RAI14: variants seen among roughly 807,000 people sequenced by gnomAD.
RAI14 encodes the protein retinoic acid induced 14, also known as ankycorbin.
Under a neutral mutation model 115.4 loss-of-function variants are expected in RAI14, and 45 were observed. That is an observed-to-expected ratio of 0.39 (90% CI 0.31 to 0.50). The LOEUF (loss-of-function observed/expected upper bound fraction) is 0.50. Ranked by LOEUF, RAI14 falls within the 20% of genes least tolerant of loss-of-function variation. The probability of loss-of-function intolerance (pLI) is 0.85; values close to 1 mark genes in which losing one functional copy is unlikely to be tolerated. For synonymous variants in RAI14, 371 were observed against 415.4 expected (o/e 0.89, Z 1.30); for missense variants, 939 against 1,131.2 (o/e 0.83, Z 2.44).
At chr5:34,738,540 CTGTTGG>C (rs1282550436) in intron 2 of RAI14, among the ~76,000 whole-genome samples, 1 of 152,150 alleles carries the variant, frequency 6.6e-6, no homozygotes, top group Non-Finnish European at 1.5e-5. Context: ...GCTTGGTGTG[CTGTTGG>C]TGTGGTGCCT....
intron 3 of RAI14, among the ~76,000 whole-genome samples, chr5:34,771,597 G>A (rs6875322): frequency 0.062 from 9,475 of 152,192 alleles, 902 homozygotes; most frequent in African/African-American, 0.21. Context: ...AATAGCAACA[G>A]TTCAAGCCTC....
chr5:34,729,939 T>A (rs1338608000), intron 2 of RAI14, among the ~76,000 whole-genome samples: 1 of 152,218 alleles, frequency 6.6e-6, no homozygotes, highest in Non-Finnish European at 1.5e-5. Context: ...GATGTGTTAT[T>A]GTGTTCATTT....
At chr5:34,772,681 A>G (rs162909) in intron 3 of RAI14, among the ~76,000 whole-genome samples, 66,783 of 151,916 alleles carry the variant, frequency 0.44, 15,167 homozygotes, top group Middle Eastern at 0.52. Flanking sequence ...GGCCTCCTGA[A>G]TCACCCTCCA....
At chr5:34,799,037 T>G (rs1753876806) in intron 4 of RAI14, among the ~76,000 whole-genome samples, 1 of 152,192 alleles carries the variant, frequency 6.6e-6, no homozygotes, top group Non-Finnish European at 1.5e-5. Flanking sequence ...CTTGAAAGCA[T>G]GCAAAGAGAA....
At chr5:34,736,758 T>C (rs1292910901) in intron 2 of RAI14, among the ~76,000 whole-genome samples, 2 of 152,188 alleles carry the variant, frequency 1.3e-5, no homozygotes, top group Non-Finnish European at 2.9e-5. Context: ...CAGAGTTCTT[T>C]AGGGTTACAT....
At chr5:34,808,757 C>A in intron 7 of RAI14, 103 bp downstream of exon 7, 1 of 1,119,966 alleles carries the variant, frequency 8.9e-7, no homozygotes, top group Non-Finnish European at 1.3e-6. Flanking sequence ...AGTCTCCAAC[C>A]TTTTTGGCAT....
At chr5:34,760,247 C>T (rs1046872721) in intron 3 of RAI14, among the ~76,000 whole-genome samples, 2 of 152,128 alleles carry the variant, frequency 1.3e-5, no homozygotes, top group Non-Finnish European at 2.9e-5. Flanking sequence ...CGGGGTTTCA[C>T]CATGTTGGCC....
At chr5:34,768,833 A>G (rs1240591297) in intron 3 of RAI14, among the ~76,000 whole-genome samples, 8 of 152,148 alleles carry the variant, frequency 5.3e-5, no homozygotes, top group Non-Finnish European at 1.5e-5. Context: ...TACTAAAAAT[A>G]CAAAAATTAG....
chr5:34,681,126 G>A (rs1744351119), intron 1 of RAI14, among the ~76,000 whole-genome samples: 1 of 152,218 alleles, frequency 6.6e-6, no homozygotes, highest in Admixed American at 6.5e-5. Flanking sequence ...GTACTGTGTT[G>A]TTAAGGTACC....
chr5:34,740,862 A>G (rs1047639523), intron 2 of RAI14, among the ~76,000 whole-genome samples: 1 of 152,260 alleles, frequency 6.6e-6, no homozygotes, highest in Non-Finnish European at 1.5e-5. Flanking sequence ...TAGGAAGGCT[A>G]TAACAAATAT....
At position 34,656,370 on chromosome 5, in the gene RAI14, GA is replaced by G. The variant is rs1306831262; in HGVS notation, c.-152del. 5 of 152,016 alleles carry G rather than the reference GA, an allele frequency of 3.3e-5. No individual in the cohort carries two copies. The highest frequency in any genetic ancestry group is 1.2e-4 in the African/African-American group (5 of 41,422). The allele number at this position is 152,016 out of a possible 1,614,324, so 9.4% of individuals were successfully genotyped here. A position where few individuals can be genotyped will look rare whatever the true frequency, so the allele number is the denominator to read the frequency against. On this transcript the variant is annotated 5_prime_UTR_variant, in exon 1 of 18. Coordinates refer to ENST00000265109, the MANE Select transcript of RAI14 (RefSeq NM_015577.3). ...GGGAGGAGGAGGGACTGCGGCGCAG[GA>G]AGCCGAGCAGGAAGCGAGCCCGGCG... is the stretch of plus-strand genomic sequence containing the variant.
intron 2 of RAI14, among the ~76,000 whole-genome samples, chr5:34,714,412 G>T (rs1579996978): frequency 6.6e-6 from 1 of 152,160 alleles, no homozygotes; most frequent in African/African-American, 2.4e-5. Flanking sequence ...GATACGGAGG[G>T]AAGCAAAACT....
chr5:34,728,301 A>C (rs1743733873), intron 2 of RAI14, among the ~76,000 whole-genome samples: 1 of 152,130 alleles, frequency 6.6e-6, no homozygotes, highest in Admixed American at 6.5e-5. Context: ...ATGCTAAATG[A>C]GTTAAGACTT....
chr5:34,810,439 C>T (rs1035321530), intron 7 of RAI14, among the ~76,000 whole-genome samples: 1 of 152,122 alleles, frequency 6.6e-6, no homozygotes, highest in Non-Finnish European at 1.5e-5. Context: ...TTGCAATTGT[C>T]ATGACATAAT....
At chr5:34,721,900 G>A (rs1310194899) in intron 2 of RAI14, among the ~76,000 whole-genome samples, 2 of 152,010 alleles carry the variant, frequency 1.3e-5, no homozygotes, top group Non-Finnish European at 2.9e-5. Context: ...GTAGAGCCAG[G>A]GTTTCACCAT....
At chr5:34,688,505 C>T (rs1449273983) in intron 2 of RAI14, among the ~76,000 whole-genome samples, 2 of 151,992 alleles carry the variant, frequency 1.3e-5, no homozygotes. Flanking sequence ...TTGCTGGAAT[C>T]TAGTTAGAAA....
intron 1 of RAI14, among the ~76,000 whole-genome samples, chr5:34,660,940 G>C (rs986225056): frequency 6.6e-5 from 10 of 152,220 alleles, no homozygotes; most frequent in Admixed American, 6.5e-4. Flanking sequence ...CTACATGGCT[G>C]TGTCATCCCT....
intron 6 of RAI14, 148 bp downstream of exon 6, chr5:34,808,005 A>AAC (rs1755131710): frequency 1.4e-6 from 1 of 708,264 alleles, no homozygotes; most frequent in Non-Finnish European, 2.5e-6. Context: ...CTGTTTGTAA[A>AAC]ACATACACAG....
At chr5:34,752,729 G>GTATATATA (rs1561312083) in intron 2 of RAI14, among the ~76,000 whole-genome samples, 21 of 90,914 alleles carry the variant, frequency 2.3e-4, no homozygotes, top group African/African-American at 4.5e-4. Context: ...GTGTGTGTGT[G>GTATATATA]TGTGTGTGTG....
Sources: gnomAD v4.1 joint callset for allele counts (sites outside exome capture counted in the v4.1 genomes callset) on GRCh38, gnomAD v4.1.1 for gene constraint, MANE v1.5 for transcripts, NCBI Gene and HGNC (gene_info 2026-07-23, HGNC 2026-07-21) for gene names.